The following CDC25C variants were observed in gnomAD, a reference collection of about 807,000 sequenced individuals.
CDC25C encodes the protein cell division cycle 25C.
In CDC25C, 48 loss-of-function variants were observed where a neutral mutation model predicts 52.5. That is an observed-to-expected ratio of 0.91 (90% confidence interval 0.72 to 1.16). The LOEUF is 1.16. Ranked by LOEUF, CDC25C falls within the 50% of genes most tolerant of loss-of-function variation. CDC25C has a pLI of 0.00. For synonymous variants in CDC25C, 187 were observed against 206.5 expected (o/e 0.91, Z 0.81); for missense variants, 510 against 566.1 (o/e 0.90, Z 1.01).
intron 8 of CDC25C, 78 bp from the exon 9 acceptor site, chr5:138,290,818 G>T: frequency 2.3e-6 from 2 of 863,886 alleles, no homozygotes; most frequent in Non-Finnish European, 4.0e-6. Flanking sequence ...AGTGGGCCAT[G>T]GTGGCGCACA....
chr5:138,329,731 T>C, intron 2 of CDC25C, 84 bp from the exon 3 acceptor site: 3 of 540,980 alleles, frequency 5.5e-6, no homozygotes, highest in Non-Finnish European at 9.1e-6. Flanking sequence ...CTCTTCTTTT[T>C]TTTTTTTTTT....
chr5:138,325,500 AAAACAAAC>A (rs1008260579), intron 6 of CDC25C, among the ~76,000 whole-genome samples: 2 of 152,298 alleles, frequency 1.3e-5, no homozygotes, highest in Admixed American at 6.5e-5. Context: ...CCTACCTGTT[AAAACAAAC>A]AAACAAACAA....
chr5:138,302,821 A>T (rs1451475180), intron 7 of CDC25C, among the ~76,000 whole-genome samples: 1 of 151,776 alleles, frequency 6.6e-6, no homozygotes, highest in Non-Finnish European at 1.5e-5. Flanking sequence ...GCACTTTGGG[A>T]GGCTGAGGCA....
intron 7 of CDC25C, among the ~76,000 whole-genome samples, chr5:138,303,982 T>C (rs753674209): frequency 2.6e-5 from 4 of 152,188 alleles, no homozygotes; most frequent in African/African-American, 4.8e-5. Context: ...AGGAGATTGA[T>C]TGCTGTATCT....
chr5:138,322,637 G>C (rs1204886493), intron 6 of CDC25C, among the ~76,000 whole-genome samples: 1 of 151,270 alleles, frequency 6.6e-6, no homozygotes, highest in South Asian at 2.1e-4. Context: ...CACCATGCCC[G>C]GCTAATTTTT....
intron 7 of CDC25C, among the ~76,000 whole-genome samples, chr5:138,299,192 G>GAA (rs1757447006): frequency 1.1e-5 from 1 of 90,464 alleles, no homozygotes. Flanking sequence ...GACTCTGTCT[G>GAA]GAAAAAAAAA....
At chr5:138,327,602 A>G (rs1759998014) in intron 4 of CDC25C, among the ~76,000 whole-genome samples, 1 of 152,114 alleles carries the variant, frequency 6.6e-6, no homozygotes, top group Non-Finnish European at 1.5e-5. Flanking sequence ...GCACCACTGC[A>G]CTCCATCCTT....
chr5:138,290,417 T>TA (rs1210107126), intron 9 of CDC25C, among the ~76,000 whole-genome samples: 3 of 152,152 alleles, frequency 2.0e-5, no homozygotes, highest in Admixed American at 1.3e-4. Context: ...AGAAAAAAGG[T>TA]AAAAAGTCTC....
chr5:138,323,546 A>G lies in CDC25C; in HGVS notation c.459+2269T>C, dbSNP rs571112069. 2.6e-5 allele frequency among the ~76,000 whole-genome samples: 4 copies of G among 152,118 alleles called. No individual in the cohort carries two copies. In the South Asian group the frequency reaches 8.3e-4, roughly 32 times the overall value. ...CTAGGGAACTCAAAGTCCTGGACTC[A>G]AGCAATCCTCTCACCTCAGCCTCCC... On this transcript the variant is annotated intron_variant, in intron 6 of 13. Transcript: ENST00000323760.
At chr5:138,288,059 A>G (rs1043968674) in intron 10 of CDC25C, among the ~76,000 whole-genome samples, 5 of 152,100 alleles carry the variant, frequency 3.3e-5, no homozygotes, top group East Asian at 1.9e-4. Flanking sequence ...TTGCAATACT[A>G]TACGTTCATC....
chr5:138,318,546 T>A (rs1414453400), intron 7 of CDC25C, among the ~76,000 whole-genome samples: 2 of 151,952 alleles, frequency 1.3e-5, no homozygotes. Context: ...AAACCCTGTC[T>A]CTACTAAAAA....
chr5:138,313,201 C>T (rs558982481), intron 7 of CDC25C, among the ~76,000 whole-genome samples: 3 of 151,824 alleles, frequency 2.0e-5, no homozygotes, highest in Non-Finnish European at 4.4e-5. Flanking sequence ...CATGGTGAAA[C>T]CTTGTCTCTA....
intron 10 of CDC25C, among the ~76,000 whole-genome samples, chr5:138,288,553 C>T (rs557601220): frequency 1.3e-4 from 20 of 151,892 alleles, no homozygotes; most frequent in Non-Finnish European, 2.5e-4. Flanking sequence ...AAAAATTAGT[C>T]GGTGTGATGG....
chr5:138,306,075 C>T (rs1487279884), intron 7 of CDC25C, among the ~76,000 whole-genome samples: 1 of 152,138 alleles, frequency 6.6e-6, no homozygotes, highest in African/African-American at 2.4e-5. Flanking sequence ...GTGGTGGCAT[C>T]CTGAGCTCAA....
intron 3 of CDC25C, 79 bp from the exon 4 acceptor site, chr5:138,328,608 T>A: frequency 8.5e-7 from 1 of 1,174,518 alleles, no homozygotes; most frequent in Non-Finnish European, 1.3e-6. Flanking sequence ...TTTTCTTCAT[T>A]ACCAGTAAGC....
At chr5:138,316,399 T>G (rs1758874577) in intron 7 of CDC25C, among the ~76,000 whole-genome samples, 1 of 152,192 alleles carries the variant, frequency 6.6e-6, no homozygotes, top group Non-Finnish European at 1.5e-5. Flanking sequence ...AAGTAGGGAC[T>G]GAGGGTGGTC....
chr5:138,302,371 G>C (rs1757692649), intron 7 of CDC25C, among the ~76,000 whole-genome samples: 2 of 151,930 alleles, frequency 1.3e-5, no homozygotes, highest in Non-Finnish European at 2.9e-5. Flanking sequence ...TCACAACCAA[G>C]TGAGGTTATC....
upstream of CDC25C, chr5:138,333,599 T>A (rs1207733088): frequency 1.3e-5 from 2 of 152,232 alleles, no homozygotes; most frequent in Non-Finnish European, 2.9e-5. Context: ...ACGACTACAG[T>A]ATAATCACAC....
At chr5:138,331,483 C>T in intron 1 of CDC25C, 112 bp downstream of exon 1, 1 of 820,332 alleles carries the variant, frequency 1.2e-6, no homozygotes, top group Non-Finnish European at 1.6e-6. Flanking sequence ...TCTCGTAACT[C>T]GCGATAGTCC....
Sources: allele counts gnomAD v4.1 joint callset (sites outside exome capture counted in the v4.1 genomes callset), GRCh38; gene constraint gnomAD v4.1.1; transcripts MANE v1.5; gene names NCBI Gene and HGNC (gene_info 2026-07-23, HGNC 2026-07-21).